Variants in GALNT13 observed in about 807,000 individuals in gnomAD.
GALNT13 encodes the protein polypeptide N-acetylgalactosaminyltransferase 13.
In GALNT13, 28 loss-of-function variants were observed where a neutral mutation model predicts 64.2. The observed-to-expected ratio is 0.44, with a 90% confidence interval of 0.32 to 0.60. The LOEUF is 0.60. GALNT13 is among the 20% of genes least tolerant of loss of function. The pLI, the probability that GALNT13 is intolerant of heterozygous loss-of-function variation, is 0.05. For synonymous variants in GALNT13, 214 were observed against 224.6 expected, an observed-to-expected ratio of 0.95 and a Z score of 0.42; for missense variants, 577 against 669.8, an observed-to-expected ratio of 0.86 and a Z score of 1.53.
At chr2:153,527,483 G>C in the GALNT13 span, among the ~76,000 whole-genome samples, 2,817 of 152,174 alleles carry the variant, frequency 0.019, 91 homozygotes, top group African/African-American at 0.064. Context: ...AACAAAATCT[G>C]AGGGATTTCA....
intron 4 of GALNT13, among the ~76,000 whole-genome samples, chr2:154,143,630 G>A (rs949207082): frequency 6.6e-6 from 1 of 151,590 alleles, no homozygotes; most frequent in Non-Finnish European, 1.5e-5. Flanking sequence ...GGAGGCTGAG[G>A]CGGGCAGATC....
intron 4 of GALNT13, among the ~76,000 whole-genome samples, chr2:154,207,323 T>C (rs1429017782): frequency 6.6e-6 from 1 of 152,216 alleles, no homozygotes; most frequent in Non-Finnish European, 1.5e-5. Flanking sequence ...CTTTGCTGTC[T>C]CCTTTTGTTG....
chr2:153,365,289 TA>T, the GALNT13 span, among the ~76,000 whole-genome samples: 1 of 152,100 alleles, frequency 6.6e-6, no homozygotes. Context: ...CATAAATCCC[TA>T]GAAGAAAACT....
intron 3 of GALNT13, among the ~76,000 whole-genome samples, chr2:154,018,971 G>A (rs1449298298): frequency 6.6e-6 from 1 of 151,970 alleles, no homozygotes; most frequent in Non-Finnish European, 1.5e-5. Flanking sequence ...GGAGTAGGGA[G>A]GAAGAAAGAT....
At chr2:154,050,842 T>A (rs1699564837) in intron 3 of GALNT13, among the ~76,000 whole-genome samples, 1 of 152,208 alleles carries the variant, frequency 6.6e-6, no homozygotes, top group South Asian at 2.1e-4. Flanking sequence ...CTGTATGTGG[T>A]CTTATACTAG....
At chr2:153,227,615 C>T in the GALNT13 span, among the ~76,000 whole-genome samples, 1 of 152,172 alleles carries the variant, frequency 6.6e-6, no homozygotes, top group Admixed American at 6.5e-5. Flanking sequence ...AATACAGTAA[C>T]TAATCTGCAT....
At chr2:153,492,930 T>G in the GALNT13 span, among the ~76,000 whole-genome samples, 1 of 152,112 alleles carries the variant, frequency 6.6e-6, no homozygotes, top group Non-Finnish European at 1.5e-5. Context: ...TAACAAACAA[T>G]TTCTAAATTA....
At chr2:153,533,729 T>C in the GALNT13 span, among the ~76,000 whole-genome samples, 11 of 103,880 alleles carry the variant, frequency 1.1e-4, no homozygotes, top group East Asian at 2.5e-3. Flanking sequence ...TTTTCTTTTT[T>C]TTTTTTTTTT....
the GALNT13 span, among the ~76,000 whole-genome samples, chr2:153,409,884 A>G: frequency 2.0e-5 from 3 of 152,324 alleles, no homozygotes; most frequent in East Asian, 1.9e-4. Context: ...AGGTCATACA[A>G]TGTGCCAAGA....
At chr2:154,141,710 C>T (rs987748796) in intron 4 of GALNT13, among the ~76,000 whole-genome samples, 3 of 152,250 alleles carry the variant, frequency 2.0e-5, no homozygotes, top group African/African-American at 7.2e-5. Context: ...GCTTTTCCAG[C>T]ACAAAAATAG....
chr2:153,988,073 T>TATAC (rs1694921356), intron 3 of GALNT13, among the ~76,000 whole-genome samples: 3 of 146,062 alleles, frequency 2.1e-5, no homozygotes, highest in Admixed American at 6.8e-5. Flanking sequence ...TATATATATA[T>TATAC]ACACACACAC....
At chr2:154,353,310 G>T (rs1066400) in intron 9 of GALNT13, among the ~76,000 whole-genome samples, 151,469 of 152,276 alleles carry the variant, frequency 0.99, 75,338 homozygotes, top group Middle Eastern at 1. Flanking sequence ...TTAAAAAAAT[G>T]GGGTATAACT....
the GALNT13 span, among the ~76,000 whole-genome samples, chr2:153,152,232 G>A: frequency 1.9e-3 from 293 of 151,968 alleles, 2 homozygotes; most frequent in African/African-American, 6.8e-3. Flanking sequence ...TAAAAATGCT[G>A]ATTTAGCAAA....
the GALNT13 span, among the ~76,000 whole-genome samples, chr2:153,156,750 A>G: frequency 6.6e-6 from 1 of 152,156 alleles, no homozygotes; most frequent in South Asian, 2.1e-4. Flanking sequence ...ACCCTGGACT[A>G]GGTGTTTAGG....
At chr2:153,469,774 G>A in the GALNT13 span, among the ~76,000 whole-genome samples, 5 of 152,190 alleles carry the variant, frequency 3.3e-5, no homozygotes, top group East Asian at 9.7e-4. Context: ...CTCATGGAGA[G>A]TCACAGAGCT....
chr2:154,369,653 TAGAGATTA>T (rs1697570259), intron 9 of GALNT13, among the ~76,000 whole-genome samples: 1 of 152,114 alleles, frequency 6.6e-6, no homozygotes. Context: ...AGTGCCACAG[TAGAGATTA>T]AGTTTCAACA....
the GALNT13 span, among the ~76,000 whole-genome samples, chr2:153,769,086 A>T: frequency 1.3e-5 from 2 of 152,220 alleles, no homozygotes; most frequent in African/African-American, 4.8e-5. Flanking sequence ...TATTGAGGCC[A>T]TTTACCTTCC....
the GALNT13 span, among the ~76,000 whole-genome samples, chr2:153,254,659 G>A: frequency 6.6e-6 from 1 of 151,986 alleles, no homozygotes; most frequent in African/African-American, 2.4e-5. Context: ...AGAGATTCTG[G>A]TATGTTGTGT....
At chr2:153,162,413 T>C in the GALNT13 span, among the ~76,000 whole-genome samples, 2 of 152,216 alleles carry the variant, frequency 1.3e-5, no homozygotes, top group Non-Finnish European at 2.9e-5. Flanking sequence ...GGGAGAGTTC[T>C]AAGGATCCTA....
Sources: allele counts gnomAD v4.1 joint callset (sites outside exome capture counted in the v4.1 genomes callset), GRCh38; gene constraint gnomAD v4.1.1; transcripts MANE v1.5; gene names NCBI Gene and HGNC (gene_info 2026-07-23, HGNC 2026-07-21).